DHX29: variants seen among roughly 807,000 people sequenced by gnomAD.
DHX29 encodes DExH-box helicase 29.
DHX29 carries 79 observed loss-of-function variants against 167.9 expected under a neutral mutation model. The observed-to-expected ratio is 0.47, with a 90% confidence interval of 0.39 to 0.57. The LOEUF (loss-of-function observed/expected upper bound fraction) is 0.57. DHX29 is among the 20% of genes least tolerant of loss of function. DHX29 has a pLI of 0.00. For synonymous variants in DHX29, 530 were observed against 546.0 expected (o/e 0.97, Z 0.41); for missense variants, 1,347 against 1,593.4 (o/e 0.85, Z 2.63).
Position 55,307,373 on chromosome 5 carries a change from G to A in DHX29, c.187+14C>T, listed in dbSNP as rs1020735886. The A allele has an allele frequency of 6.2e-6, 10 of 1,608,768 alleles. No individual in the cohort carries two copies. Among genetic ancestry groups the A allele is most frequent in the Non-Finnish European group, 8.5e-6 (10 of 1,176,920 alleles). On this transcript the variant is annotated intron_variant, in intron 1 of 26. Coordinates refer to ENST00000251636, the MANE Select transcript of DHX29 (RefSeq NM_019030.4). ...CTCAGGGCAGACAGCCAGGGGCTGGGGGACCTCTCGTACCTTGCTTGACAC... is the reference window on the plus strand; with the variant it reads ...CTCAGGGCAGACAGCCAGGGGCTGGAGGACCTCTCGTACCTTGCTTGACAC...
At chr5:55,292,710 G>C (rs1419420528) in intron 6 of DHX29, among the ~76,000 whole-genome samples, 2 of 152,076 alleles carry the variant, frequency 1.3e-5, no homozygotes, top group Non-Finnish European at 2.9e-5. Flanking sequence ...CTCTATATAT[G>C]CTCATCCATT....
intron 23 of DHX29, among the ~76,000 whole-genome samples, chr5:55,266,187 T>TG (rs1257740464): frequency 1.3e-5 from 2 of 150,778 alleles, no homozygotes; most frequent in African/African-American, 4.9e-5. Context: ...TTAGTAGAGA[T>TG]GGGGTTTCAC....
At chr5:55,281,035 CACACACACACACATGCTATATGTATAT>C (rs1325455161) in intron 12 of DHX29, among the ~76,000 whole-genome samples, 1 of 148,644 alleles carries the variant, frequency 6.7e-6, no homozygotes, top group Non-Finnish European at 1.5e-5. Context: ...TATATGTATA[CACACACACACACATGCTATATGTATAT>C]ACACACACAC....
At chr5:55,277,057 T>C (rs938698295) in intron 13 of DHX29, 49 bp downstream of exon 13, 7 of 1,390,234 alleles carry the variant, frequency 5.0e-6, no homozygotes, top group Non-Finnish European at 7.0e-6. Context: ...GGAAAGAACC[T>C]GGTGGGAATG....
At position 55,277,234 on chromosome 5, in the gene DHX29, C is replaced by T. The variant is rs777573331; in HGVS notation, c.2158G>A (p.Glu720Lys). Reference protein sequence around the residue: ...QSDFLLIILKEILQKRSDLHL... With the variant: ...QSDFLLIILKKILQKRSDLHL... ...AGATCAGAACGTTTCTGTAAAATTTCCTTCAAGATAATTAGTAGGAAGTCT... is the reference window on the plus strand; with the variant it reads ...AGATCAGAACGTTTCTGTAAAATTTTCTTCAAGATAATTAGTAGGAAGTCT... Residue 720 changes from glutamate (E) to lysine (K), a missense_variant, in exon 13 of 27, where the codon GAA becomes AAA. Glu to Lys is a moderately conservative substitution (Grantham distance 56). This residue lies in a region of DHX29 where 882 missense variants were observed against 1,082.4 expected (regional missense o/e 0.81). Coordinates refer to ENST00000251636, the MANE Select transcript of DHX29 (RefSeq NM_019030.4). The T allele has an allele frequency of 1.3e-6, 2 of 1,550,068 alleles. No individual in the cohort carries two copies. Among genetic ancestry groups the T allele is most frequent in the Non-Finnish European group, 1.7e-6 (2 of 1,145,174 alleles).
intron 11 of DHX29, 64 bp from the exon 12 acceptor site, chr5:55,281,579 A>G (rs191594266): frequency 3.1e-6 from 4 of 1,307,026 alleles, no homozygotes; most frequent in African/African-American, 3.0e-5. Context: ...AAGCTTTAAA[A>G]AGTGAAGCAG....
chr5:55,270,226 G>C (rs763336295), intron 20 of DHX29, among the ~76,000 whole-genome samples, 186 bp downstream of exon 20: 1 of 152,142 alleles, frequency 6.6e-6, no homozygotes, highest in Non-Finnish European at 1.5e-5. Context: ...AATCTATAAA[G>C]TGTAAGTGTC....
At chr5:55,278,474 A>T (rs1018575213) in intron 12 of DHX29, among the ~76,000 whole-genome samples, 1 of 152,232 alleles carries the variant, frequency 6.6e-6, no homozygotes, top group Non-Finnish European at 1.5e-5. Context: ...GAGTTGTGAC[A>T]ATCAAATGAG....
chr5:55,273,421 A>T, intron 16 of DHX29, 44 bp from the exon 17 acceptor site: 1 of 1,473,142 alleles, frequency 6.8e-7, no homozygotes, highest in Non-Finnish European at 9.1e-7. Context: ...TTCTCTTTAG[A>T]AGACACTGCA....
At chr5:55,264,922 T>C (rs1023670188) in intron 23 of DHX29, among the ~76,000 whole-genome samples, 6 of 152,158 alleles carry the variant, frequency 3.9e-5, no homozygotes, top group Non-Finnish European at 7.4e-5. Flanking sequence ...AGTAGAATTA[T>C]AATACCATCA....
intron 12 of DHX29, among the ~76,000 whole-genome samples, chr5:55,277,877 G>A (rs1357724723): frequency 1.4e-5 from 2 of 141,020 alleles, no homozygotes; most frequent in African/African-American, 5.4e-5. Context: ...CTGCATTCCA[G>A]CCTGGGCGAC....
At chr5:55,280,295 G>C (rs1747336714) in intron 12 of DHX29, among the ~76,000 whole-genome samples, 4 of 152,152 alleles carry the variant, frequency 2.6e-5, no homozygotes, top group Admixed American at 2.6e-4. Flanking sequence ...ACTTCCTGAA[G>C]TTGGTCTGGT....
Position 55,307,611 on chromosome 5 carries a change from C to A in DHX29, c.-38G>T, listed in dbSNP as rs1748954229. 1 of 1,608,590 alleles carries A rather than the reference C, an allele frequency of 6.2e-7. No individual in the cohort carries two copies. Among genetic ancestry groups the A allele is most frequent in the Non-Finnish European group, 8.5e-7 (1 of 1,178,944 alleles). On this transcript the variant is annotated 5_prime_UTR_variant, in exon 1 of 27. Coordinates refer to ENST00000251636, the MANE Select transcript of DHX29 (RefSeq NM_019030.4). ...GCAGAAGATCCTTCGCGGCCCAGGC[C>A]CCGACGGTACCACTGCACAGCCGAG...
Position 55,270,593 on chromosome 5 carries a change from A to G in DHX29, c.2978T>C (p.Met993Thr), listed in dbSNP as rs1312829036. The G allele has an allele frequency of 1.9e-6, 3 of 1,614,054 alleles. No homozygotes were observed. The highest frequency in any genetic ancestry group is 2.5e-6 in the Non-Finnish European group (3 of 1,180,044). The stretch of plus-strand genomic sequence containing the variant: ...TATGCCATACCTTTCTCTTGTGTAC[A>G]TTCGGAAACAGAAGCCATCTCTGAC... The part of the protein sequence containing the change: ...GRVRDGFCFR[M>T]YTRERFEGFM... The change falls in exon 19 of 27, where the codon ATG (methionine) becomes ACG (threonine). Residue 993 changes from methionine to threonine, a missense_variant. Met to Thr is a moderately conservative substitution (Grantham distance 81). Coordinates refer to ENST00000251636, the MANE Select transcript of DHX29 (RefSeq NM_019030.4).
At chr5:55,298,431 T>A (rs573890268) in intron 2 of DHX29, among the ~76,000 whole-genome samples, 160 bp downstream of exon 2, 1 of 152,200 alleles carries the variant, frequency 6.6e-6, no homozygotes. Flanking sequence ...TCTCAACATA[T>A]GTGTATGATT....
intron 15 of DHX29, 33 bp from the exon 16 acceptor site, chr5:55,274,764 TAAG>T (rs750610416): frequency 1.5e-5 from 24 of 1,565,894 alleles, no homozygotes; most frequent in South Asian, 6.0e-5. Context: ...ATATTCAAAA[TAAG>T]AAGATAAGGA....
At chr5:55,259,789 G>C (rs1290603070) in intron 26 of DHX29, 59 bp downstream of exon 26, 2 of 929,844 alleles carry the variant, frequency 2.2e-6, no homozygotes, top group African/African-American at 3.3e-5. Context: ...TTAATACATA[G>C]GTATGTGTAC....
Position 55,283,755 on chromosome 5 carries a change from A to T in DHX29, c.1413T>A (p.Asp471Glu). 1 of 1,613,284 alleles carries T rather than the reference A, an allele frequency of 6.2e-7. No individual in the cohort carries two copies. Among genetic ancestry groups the T allele is most frequent in the Non-Finnish European group, 8.5e-7 (1 of 1,179,766 alleles). The change falls in exon 11 of 27, where the codon GAT (aspartate) becomes GAA (glutamate). Residue 471 changes from aspartate to glutamate, a missense_variant. Asp to Glu is a conservative substitution (Grantham distance 45). This residue lies in a region of DHX29 where 882 missense variants were observed against 1,082.4 expected (regional missense o/e 0.81). Coordinates refer to ENST00000251636, the MANE Select transcript of DHX29 (RefSeq NM_019030.4). ...TYRDVWLEWS[D>E]AEKKREELNK... ...TTAATTCTTCCCTTTTCTTTTCTGCATCACTCCACTCCAGCCAAACATCTC... is the reference window on the plus strand; with the variant it reads ...TTAATTCTTCCCTTTTCTTTTCTGCTTCACTCCACTCCAGCCAAACATCTC...
At chr5:55,281,833 T>G (rs1046656008) in intron 11 of DHX29, among the ~76,000 whole-genome samples, 4 of 151,456 alleles carry the variant, frequency 2.6e-5, no homozygotes, top group African/African-American at 9.7e-5. Context: ...TTGCCCAGGC[T>G]GGAGTGCAGT....
Sources: allele counts gnomAD v4.1 joint callset (sites outside exome capture counted in the v4.1 genomes callset), GRCh38; gene constraint gnomAD v4.1.1; regional missense constraint gnomAD v4.1.1; transcripts MANE v1.5; gene names NCBI Gene and HGNC (gene_info 2026-07-23, HGNC 2026-07-21).